Variants in FXYD1 observed in about 807,000 individuals in gnomAD.
FXYD1 encodes phospholemman.
Under a neutral mutation model 17.2 loss-of-function variants are expected in FXYD1, and 9 were observed. That is an observed-to-expected ratio of 0.52 (90% CI 0.32 to 0.91). The LOEUF (loss-of-function observed/expected upper bound fraction) is 0.91. FXYD1 is among the 40% of genes least tolerant of loss of function. FXYD1 has a pLI of 0.04. For missense variants in FXYD1, 113 were observed against 120.6 expected (o/e 0.94, Z 0.29); for synonymous variants, 55 against 45.8 (o/e 1.20, Z -0.81).
chr19:35,140,495 A>G, intron 2 of FXYD1, 102 bp from the exon 3 acceptor site: 1 of 1,062,632 alleles, frequency 9.4e-7, no homozygotes. Flanking sequence ...AGACACCCTC[A>G]GACTCTAAGC....
At chr19:35,137,884 G>T (rs2145376031), upstream of FXYD1, 1 of 152,368 alleles carries the variant, frequency 6.6e-6, no homozygotes, top group East Asian at 1.9e-4. Context: ...TCCCGCCTTG[G>T]CCTCCCAAAG....
intron 4 of FXYD1, 113 bp from the exon 5 acceptor site, chr19:35,141,423 G>C (rs553758736): frequency 2.3e-6 from 2 of 860,844 alleles, no homozygotes; most frequent in Admixed American, 4.3e-5. Flanking sequence ...CTCGCCTCTA[G>C]CCCCGCCCCG....
chr19:35,140,887 C>T (rs1218450380), intron 3 of FXYD1: 2 of 595,962 alleles, frequency 3.4e-6, no homozygotes, highest in Middle Eastern at 3.0e-4. Context: ...CCATCCTCTG[C>T]TTCTTCCCGT....
chr19:35,142,493 G>C lies in FXYD1; in HGVS notation c.228G>C (p.Glu76Asp). Residue 76 changes from glutamate to aspartate, a missense_variant, in exon 6 of 8, where the codon GAG becomes GAC. By Grantham distance (45) the Glu-to-Asp change is conservative (BLOSUM62 2). Transcript: ENST00000351325. ...QQQRTGEPDEEEGTFRSSIRR... is the reference protein window; with the variant it reads ...QQQRTGEPDEDEGTFRSSIRR... ...CCAGGACTGGGGAACCCGATGAAGA[G>C]GAGGGAACTTTCCGCAGCTCCATCC... 12 of 1,613,242 alleles carry C rather than the reference G, an allele frequency of 7.4e-6. No individual in the cohort carries two copies. Among genetic ancestry groups the C allele is most frequent in the Non-Finnish European group, 9.3e-6 (11 of 1,179,406 alleles).
Position 35,142,782 on chromosome 19 carries a change from T to C in FXYD1, c.*29+11T>C, listed in dbSNP as rs1306609934. The C allele has an allele frequency of 1.2e-6, 2 of 1,602,222 alleles. No homozygotes were observed. The highest frequency in any genetic ancestry group is 1.7e-5 in the Admixed American group (1 of 59,742). ...ATGGAATCCGGCCAGGTGCTGCAGC[T>C]CTGACACGGCGGTGGGAGGGAAGGA... is the stretch of plus-strand genomic sequence containing the variant. On this transcript the variant is annotated intron_variant, in intron 7 of 7. Transcript: ENST00000351325.
rs543842833 is a variant in FXYD1, at chr19:35,142,627, GGAGGGCGGGGAGTTGC to G, written c.257-92_257-77del. 1.1e-4 allele frequency: 174 copies of G among 1,537,592 alleles called. 2 individuals are homozygous for G. In the South Asian group the frequency reaches 1.7e-3, roughly 15 times the overall value. ...AGAGGGAAGGGCTGGATCTGAAAGC[GGAGGGCGGGGAGTTGC>G]CCCGCCGCGGGCCCCACCTGCCCAG... On this transcript the variant is annotated intron_variant, in intron 6 of 7. Transcript: ENST00000351325.
At chr19:35,137,968 G>A (rs1482074272), upstream of FXYD1, 1 of 152,256 alleles carries the variant, frequency 6.6e-6, no homozygotes, top group Non-Finnish European at 1.5e-5. Context: ...TTTATGTGCG[G>A]TGTGCACATA....
intron 3 of FXYD1, 41 bp from the exon 4 acceptor site, chr19:35,141,091 T>C: frequency 7.8e-7 from 1 of 1,284,222 alleles, no homozygotes; most frequent in Non-Finnish European, 1.1e-6. Flanking sequence ...TTCTCCCTCC[T>C]GTCTTCCCTG....
At chr19:35,140,255 T>G in intron 2 of FXYD1, 115 bp downstream of exon 2, 1 of 723,096 alleles carries the variant, frequency 1.4e-6, no homozygotes, top group Non-Finnish European at 2.5e-6. Flanking sequence ...TACCAAGAAG[T>G]TTGGGGGTCT....
rs1216215872 is a variant in FXYD1, at chr19:35,141,601, C to T, written c.206+29C>T. 4 of 1,593,816 alleles carry T rather than the reference C, an allele frequency of 2.5e-6. No individual in the cohort carries two copies. In the East Asian group the frequency reaches 9.0e-5, roughly 36 times the overall value. Reference sequence around the variant, plus strand: ...AGACGCCCCTCCCCGCCCTCCTTCGCCCGCTCCTGCTCTGGAGGGCGCCGC... The same window carrying T: ...AGACGCCCCTCCCCGCCCTCCTTCGTCCGCTCCTGCTCTGGAGGGCGCCGC... On this transcript the variant is annotated intron_variant, in intron 5 of 7. Coordinates refer to ENST00000351325, the MANE Select transcript of FXYD1 (RefSeq NM_021902.4).
At chr19:35,142,435 T>G (rs1440469527) in intron 5 of FXYD1, 37 bp from the exon 6 acceptor site, 1 of 1,563,688 alleles carries the variant, frequency 6.4e-7, no homozygotes, top group Non-Finnish European at 8.7e-7. Flanking sequence ...CCTCTCCCCC[T>G]TTCCATCCCG....
intron 4 of FXYD1, 75 bp from the exon 5 acceptor site, chr19:35,141,461 C>G (rs1283763209): frequency 8.0e-7 from 1 of 1,257,322 alleles, no homozygotes; most frequent in African/African-American, 1.5e-5. Context: ...CTCGCGAGGG[C>G]GAGCTGGAGC....
At chr19:35,141,614 T>C in intron 5 of FXYD1, 42 bp downstream of exon 5, 1 of 1,560,442 alleles carries the variant, frequency 6.4e-7, no homozygotes, top group Non-Finnish European at 8.8e-7. Flanking sequence ...GCTCCTGCTC[T>C]GGAGGGCGCC....
At chr19:35,139,800 G>C (rs895393071) in intron 1 of FXYD1, 3 of 388,166 alleles carry the variant, frequency 7.7e-6, no homozygotes, top group African/African-American at 6.1e-5. Flanking sequence ...TGCTGCGGGA[G>C]GTGGAGGCCC....
At chr19:35,139,261 CTGTG>C (rs56256016) in intron 1 of FXYD1, 43,806 of 146,104 alleles carry the variant, frequency 0.3, 6,469 homozygotes, top group South Asian at 0.45. Flanking sequence ...TCCGGCCCCA[CTGTG>C]TGTGTGTGTG....
At chr19:35,139,344 G>A (rs1209787852) in intron 1 of FXYD1, 3 of 152,722 alleles carry the variant, frequency 2.0e-5, no homozygotes, top group Non-Finnish European at 4.4e-5. Flanking sequence ...AAGGCCCACT[G>A]GGCTGGGCCT....
At chr19:35,138,150 C>G (rs1042945848), upstream of FXYD1, 1 of 152,274 alleles carries the variant, frequency 6.6e-6, no homozygotes, top group African/African-American at 2.4e-5. Context: ...TGTGCTTGTT[C>G]TGGTATTTTG....
At chr19:35,140,050 T>G in intron 1 of FXYD1, 26 bp from the exon 2 acceptor site, 1 of 1,608,432 alleles carries the variant, frequency 6.2e-7, no homozygotes. Context: ...GGGCACACAC[T>G]GCCTAATCCG....
intron 1 of FXYD1, chr19:35,139,862 T>G: frequency 1.9e-6 from 1 of 533,624 alleles, no homozygotes; most frequent in Non-Finnish European, 3.4e-6. Context: ...TGCTACGTTG[T>G]GTTGTTGTGT....
Sources: gnomAD v4.1 joint callset for allele counts on GRCh38, gnomAD v4.1.1 for gene constraint, MANE v1.5 for transcripts, NCBI Gene and HGNC (gene_info 2026-07-23, HGNC 2026-07-21) for gene names.